The following ESR1 variants were observed in gnomAD, a reference collection of about 807,000 sequenced individuals.
ESR1 encodes estrogen receptor.
A neutral mutation model predicts 52.7 loss-of-function variants in ESR1; 12 were observed. The observed-to-expected ratio is 0.23, with a 90% CI of 0.15 to 0.37. The LOEUF (loss-of-function observed/expected upper bound fraction) is 0.37, where lower values mean the gene tolerates loss of function less well. ESR1 is among the 10% of genes least tolerant of loss of function. The probability of loss-of-function intolerance (pLI) is 1.00; values close to 1 mark genes in which losing one functional copy is unlikely to be tolerated. For missense variants in ESR1, 584 were observed against 779.7 expected (o/e 0.75, Z 2.99); for synonymous variants, 305 against 316.8 (o/e 0.96, Z 0.39).
At chr6:151,687,335 T>C (rs1778729671), upstream of ESR1, among the ~76,000 whole-genome samples, 1 of 152,208 alleles carries the variant, frequency 6.6e-6, no homozygotes, top group Admixed American at 6.5e-5. Flanking sequence ...AGGTACTGAT[T>C]GATATCTCCA....
At chr6:151,956,953 T>C (rs956401873) in intron 4 of ESR1, among the ~76,000 whole-genome samples, 3 of 150,340 alleles carry the variant, frequency 2.0e-5, no homozygotes, top group African/African-American at 4.9e-5. Context: ...CTCGGCTCAC[T>C]GTAAGCTCCG....
At chr6:151,940,913 A>G (rs963801076) in intron 3 of ESR1, among the ~76,000 whole-genome samples, 2 of 152,236 alleles carry the variant, frequency 1.3e-5, no homozygotes, top group Admixed American at 1.3e-4. Context: ...ATTTTTGATT[A>G]CTGCCAATAT....
intron 2 of ESR1, among the ~76,000 whole-genome samples, chr6:151,738,936 T>A (rs1782874808): frequency 6.6e-6 from 1 of 152,176 alleles, no homozygotes; most frequent in African/African-American, 2.4e-5. Context: ...TATTCCTACC[T>A]CTGTTAGCTT....
intron 1 of ESR1, among the ~76,000 whole-genome samples, chr6:151,810,423 C>T (rs1021664970): frequency 6.6e-6 from 1 of 152,170 alleles, no homozygotes; most frequent in African/African-American, 2.4e-5. Flanking sequence ...AAAGAAGCAT[C>T]TATGCAAGTT....
Position 152,053,730 on chromosome 6 carries a change from A to C in ESR1, c.1236-7261A>C, listed in dbSNP as rs569893002. ...CAGTGATTTCTATTCAGATATCTCC[A>C]AAATTTGTATTTCCGGATATTTTAT... On this transcript the variant is annotated intron_variant, in intron 5 of 7. Transcript: ENST00000206249. The surrounding 1 kb of genome is among the most constrained non-coding windows in gnomAD (Gnocchi z 4.1). Among the ~76,000 whole-genome samples, 1 of 152,134 alleles carries C rather than the reference A, an allele frequency of 6.6e-6. No individual in the cohort carries two copies. Among genetic ancestry groups the C allele is most frequent in the South Asian group, 2.1e-4 (1 of 4,812 alleles).
intron 3 of ESR1, among the ~76,000 whole-genome samples, chr6:151,892,679 T>C (rs1794869356): frequency 6.6e-6 from 1 of 151,788 alleles, no homozygotes; most frequent in South Asian, 2.1e-4. Flanking sequence ...GTTTCTGCCT[T>C]GTGGAAAGAG....
chr6:151,694,605 C>A (rs773371596), intron 1 of ESR1, among the ~76,000 whole-genome samples: 1 of 151,968 alleles, frequency 6.6e-6, no homozygotes, highest in Non-Finnish European at 1.5e-5. Context: ...CTGGCCAACA[C>A]GGTGAAACCC....
At chr6:152,091,237 G>A (rs1315409121) in intron 6 of ESR1, among the ~76,000 whole-genome samples, 4 of 152,228 alleles carry the variant, frequency 2.6e-5, no homozygotes, top group African/African-American at 9.6e-5. Flanking sequence ...GCAACAGGCA[G>A]CACACATGGA....
At chr6:152,080,390 A>G (rs372381213) in intron 6 of ESR1, among the ~76,000 whole-genome samples, 1 of 152,194 alleles carries the variant, frequency 6.6e-6, no homozygotes, top group Non-Finnish European at 1.5e-5. Context: ...AGAATCTCAT[A>G]TCCAGCCAAA....
At chr6:151,914,762 A>G (rs1798786569) in intron 3 of ESR1, among the ~76,000 whole-genome samples, 1 of 152,218 alleles carries the variant, frequency 6.6e-6, no homozygotes, top group African/African-American at 2.4e-5. Flanking sequence ...GTGTTGTGAC[A>G]TATAAAGCGT....
At chr6:151,847,195 A>G (rs1191166392) in intron 2 of ESR1, among the ~76,000 whole-genome samples, 9 of 152,322 alleles carry the variant, frequency 5.9e-5, no homozygotes, top group Non-Finnish European at 1.2e-4. Context: ...CTTAGGTCCT[A>G]CAGGTATAAC....
At chr6:151,964,903 A>G (rs1197295154) in intron 4 of ESR1, among the ~76,000 whole-genome samples, 4 of 152,214 alleles carry the variant, frequency 2.6e-5, no homozygotes, top group Admixed American at 2.6e-4. Flanking sequence ...CAGCCTTCCA[A>G]AGTGCTGGGA....
rs529383030 is a variant in ESR1, at chr6:151,788,789, C to G, written c.-70-19054C>G. On this transcript the variant is annotated intron_variant, in intron 2 of 2. Coordinates refer to the ESR1 transcript ENST00000404742. ...ATGCAGCCACCAAAAAGAATGAGAT[C>G]ATGTCCTTTTCAGGAACATGGAAGG... 3.9e-5 allele frequency among the ~76,000 whole-genome samples: 6 copies of G among 152,244 alleles called. No homozygotes were observed. In the East Asian group the frequency reaches 1.2e-3, roughly 29 times the overall value.
At chr6:151,927,400 T>A (rs564144719) in intron 3 of ESR1, among the ~76,000 whole-genome samples, 79 of 152,320 alleles carry the variant, frequency 5.2e-4, no homozygotes, top group African/African-American at 1.8e-3. Context: ...CTAACACAGA[T>A]TGTAGAGAAT....
At chr6:151,691,774 T>A (rs1582904168) in intron 1 of ESR1, among the ~76,000 whole-genome samples, 1 of 152,206 alleles carries the variant, frequency 6.6e-6, no homozygotes, top group Non-Finnish European at 1.5e-5. Flanking sequence ...TTAAATTGGA[T>A]GAGAATGTTT....
intron 2 of ESR1, among the ~76,000 whole-genome samples, chr6:151,702,325 G>C (rs772334884): frequency 7.9e-5 from 12 of 152,152 alleles, no homozygotes; most frequent in Non-Finnish European, 1.2e-4. Context: ...TCCACTCTAA[G>C]TAGGGAAAAT....
At chr6:151,825,987 G>A (rs903829298) in intron 1 of ESR1, among the ~76,000 whole-genome samples, 1 of 151,880 alleles carries the variant, frequency 6.6e-6, no homozygotes, top group African/African-American at 2.4e-5. Context: ...TGCTTTTGCA[G>A]GTGGAAGTGG....
At chr6:151,827,363 AAAG>A (rs1442436635) in intron 1 of ESR1, among the ~76,000 whole-genome samples, 1 of 151,264 alleles carries the variant, frequency 6.6e-6, no homozygotes, top group Non-Finnish European at 1.5e-5. Flanking sequence ...AAAAAAAGAA[AAAG>A]AAAAAAGAAA....
chr6:151,784,889 A>G (rs1316425006), intron 2 of ESR1, among the ~76,000 whole-genome samples: 1 of 152,248 alleles, frequency 6.6e-6, no homozygotes, highest in Non-Finnish European at 1.5e-5. Context: ...TTTGTAGAGC[A>G]GGCCAGCAGG....
Sources: allele counts gnomAD v4.1 joint callset (sites outside exome capture counted in the v4.1 genomes callset), GRCh38; gene constraint gnomAD v4.1.1; non-coding constraint Gnocchi (gnomAD v3.1); transcripts MANE v1.5; gene names NCBI Gene and HGNC (gene_info 2026-07-23, HGNC 2026-07-21).